The following SLC11A2 variants were observed in gnomAD, a reference collection of about 807,000 sequenced individuals.
SLC11A2 encodes the protein solute carrier family 11 member 2, also known as natural resistance-associated macrophage protein 2.
In SLC11A2, 38 loss-of-function variants were observed where a neutral mutation model predicts 68.0. That is an observed-to-expected ratio of 0.56 (90% CI 0.43 to 0.73). The LOEUF (loss-of-function observed/expected upper bound fraction) is 0.73. SLC11A2 is among the 30% of genes least tolerant of loss of function. SLC11A2 has a pLI of 0.00. For missense variants in SLC11A2, 517 were observed against 690.5 expected (o/e 0.75, Z 2.82); for synonymous variants, 242 against 250.6 (o/e 0.97, Z 0.32).
At chr12:51,012,304 C>A (rs1390725324) in intron 1 of SLC11A2, among the ~76,000 whole-genome samples, 1 of 151,942 alleles carries the variant, frequency 6.6e-6, no homozygotes, top group Non-Finnish European at 1.5e-5. Context: ...CACTTGGGAA[C>A]AGATCTATGG....
intron 5 of SLC11A2, among the ~76,000 whole-genome samples, chr12:51,004,550 A>G (rs552184291): frequency 8.4e-4 from 128 of 152,316 alleles, no homozygotes; most frequent in African/African-American, 2.8e-3. Context: ...ATGGTAACAC[A>G]GTTTTTCTAA....
chr12:50,992,379 G>C, intron 12 of SLC11A2, 40 bp from the exon 13 acceptor site: 1 of 1,607,088 alleles, frequency 6.2e-7, no homozygotes, highest in Non-Finnish European at 8.5e-7. Context: ...TCTGCAACAG[G>C]AAACAAAAAA....
At position 51,005,337 on chromosome 12, in the gene SLC11A2, G is replaced by A; in HGVS notation, c.283C>T (p.Gln95Ter). 1 of 1,613,886 alleles carries A rather than the reference G, an allele frequency of 6.2e-7. No individual in the cohort carries two copies. The highest frequency in any genetic ancestry group is 1.1e-5 in the South Asian group (1 of 91,082). Residue 95 changes from glutamine to a stop codon, truncating the protein, a stop_gained, in exon 4 of 16, where the codon CAG (glutamine) becomes TAG (stop). Transcript: ENST00000262052. LOFTEE classifies it high-confidence loss of function. ...TTAAATCCAGCCACTGCTCCAGACT[G>A]CAAATCGGATTCAATATTTCCTGGA... ...LDPGNIESDL[Q>*]SGAVAGFKLL...
the SLC11A2 span, among the ~76,000 whole-genome samples, chr12:50,971,770 T>C: frequency 6.6e-6 from 1 of 152,224 alleles, no homozygotes; most frequent in Non-Finnish European, 1.5e-5. Context: ...TACTTCCTTT[T>C]CCTCAGTGTT....
chr12:50,979,501 C>T (rs576344168), downstream of SLC11A2: 120 of 163,598 alleles, frequency 7.3e-4, no homozygotes, highest in Non-Finnish European at 1.3e-3. Context: ...CCCAGGGAGG[C>T]GGGGAAAATC....
At chr12:50,976,695 A>G (rs1054946818), downstream of SLC11A2, among the ~76,000 whole-genome samples, 5 of 152,196 alleles carry the variant, frequency 3.3e-5, no homozygotes, top group Non-Finnish European at 5.9e-5. Context: ...TAGGAAAAGA[A>G]GAAGTCAAAT....
rs267603504 is a variant in SLC11A2, at chr12:50,991,660, G to A, written c.1360C>T (p.Leu454Phe). 1 of 1,613,766 alleles carries A rather than the reference G, an allele frequency of 6.2e-7. No individual in the cohort carries two copies. The highest frequency in any genetic ancestry group is 8.5e-7 in the Non-Finnish European group (1 of 1,179,812). The change falls in exon 14 of 16, where the codon CTC becomes TTC. Residue 454 changes from leucine (L) to phenylalanine (F), a missense_variant. Physicochemically the swap from Leu to Phe is conservative, Grantham distance 22. Coordinates refer to ENST00000262052, the MANE Select transcript of SLC11A2 (RefSeq NM_000617.3). Reference sequence around the variant, plus strand: ...CTCGTAAATGTGAGGATGGGTATGAGAGCAAAGGGAAGCTGGAAAAGAAAG... The same window carrying A: ...CTCGTAAATGTGAGGATGGGTATGAAAGCAAAGGGAAGCTGGAAAAGAAAG... ...VLQSLQLPFA[L>F]IPILTFTSLR... is the part of the protein sequence containing the mutation.
At chr12:51,002,638 C>A (rs1398207444) in intron 5 of SLC11A2, among the ~76,000 whole-genome samples, 42 of 71,766 alleles carry the variant, frequency 5.9e-4, no homozygotes, top group African/African-American at 9.7e-4. Context: ...GACTTGGTCT[C>A]AAAAAAAAAA....
chr12:50,961,095 G>C, the SLC11A2 span: 1 of 1,613,802 alleles, frequency 6.2e-7, no homozygotes, highest in Non-Finnish European at 8.5e-7. Context: ...TTGGAGCTGT[G>C]ACTCTAGGTA....
chr12:50,956,633 C>T, the SLC11A2 span, among the ~76,000 whole-genome samples: 55 of 152,254 alleles, frequency 3.6e-4, no homozygotes, highest in African/African-American at 1.3e-3. Context: ...TATGTGTTGA[C>T]AGATTATTTG....
chr12:50,969,920 G>A, the SLC11A2 span, among the ~76,000 whole-genome samples: 64 of 152,138 alleles, frequency 4.2e-4, no homozygotes, highest in Non-Finnish European at 8.4e-4. Context: ...CATTAAAGCA[G>A]CTCCTCTCTT....
In SLC11A2 at chr12:51,010,188, CA is replaced by C. The variant is rs574693810; in HGVS notation, c.34+506del. Among the ~76,000 whole-genome samples the C allele has an allele frequency of 2.2e-4, 27 of 122,970 alleles. 1 individual carries two copies. The South Asian group carries it at 5.3e-3, about 24-fold the overall frequency. The allele number at this position is 122,970 out of a possible 152,430, so 80.7% of individuals were successfully genotyped here. A position where few individuals can be genotyped will look rare whatever the true frequency, so the allele number is the denominator to read the frequency against. On this transcript the variant is annotated intron_variant, in intron 2 of 15. Transcript: ENST00000262052. ...GGGCAACTAGAGCAAAACTCCGCCT[CA>C]AAAAAAAAACCAAACAAACAAACAA...
intron 1 of SLC11A2, chr12:51,026,072 C>T: frequency 5.5e-6 from 6 of 1,093,688 alleles, no homozygotes; most frequent in Non-Finnish European, 6.7e-6. Context: ...CCGCGACCTC[C>T]GGCGTTCCCT....
chr12:51,002,016 G>A (rs1942291434), intron 5 of SLC11A2, among the ~76,000 whole-genome samples: 1 of 152,122 alleles, frequency 6.6e-6, no homozygotes, highest in Admixed American at 6.6e-5. Context: ...CTGACTCACT[G>A]AAGCCAGAAA....
the SLC11A2 span, among the ~76,000 whole-genome samples, chr12:50,969,655 C>T: frequency 1.3e-3 from 195 of 151,096 alleles, 1 homozygote; most frequent in African/African-American, 4.6e-3. Flanking sequence ...GCTGAGATCA[C>T]GCCATTGTAC....
chr12:51,007,513 T>C (rs922104002), intron 3 of SLC11A2, among the ~76,000 whole-genome samples: 1 of 151,920 alleles, frequency 6.6e-6, no homozygotes, highest in African/African-American at 2.4e-5. Context: ...TTTTGTATCT[T>C]TAGTAAAGAC....
chr12:51,009,083 G>C, intron 2 of SLC11A2: 1 of 1,226,156 alleles, frequency 8.2e-7, no homozygotes, highest in Non-Finnish European at 1.2e-6. Context: ...CTAGCGAAAT[G>C]TCCTCCCCAC....
At chr12:51,001,576 T>C (rs1942232278) in intron 5 of SLC11A2, among the ~76,000 whole-genome samples, 1 of 132,696 alleles carries the variant, frequency 7.5e-6, no homozygotes, top group African/African-American at 2.9e-5. Context: ...CTTAATAAAC[T>C]TGCTTTCACA....
chr12:50,973,164 T>C, the SLC11A2 span, among the ~76,000 whole-genome samples: 2 of 152,102 alleles, frequency 1.3e-5, no homozygotes, highest in Non-Finnish European at 2.9e-5. Flanking sequence ...AGCACGGAGC[T>C]TGAGATCTGA....
Sources: allele counts gnomAD v4.1 joint callset (sites outside exome capture counted in the v4.1 genomes callset), GRCh38; gene constraint gnomAD v4.1.1; transcripts MANE v1.5; gene names NCBI Gene and HGNC (gene_info 2026-07-23, HGNC 2026-07-21).